PPP6R2: variants seen among roughly 807,000 people sequenced by gnomAD.
The protein encoded by PPP6R2 is protein phosphatase 6 regulatory subunit 2.
PPP6R2 carries 62 observed loss-of-function variants against 100.2 expected under a neutral mutation model. The observed-to-expected ratio is 0.62, with a 90% CI of 0.50 to 0.76. The LOEUF (loss-of-function observed/expected upper bound fraction) is 0.76, where lower values mean the gene tolerates loss of function less well. Among genes scored for constraint, PPP6R2 ranks in the 30% least tolerant of loss-of-function variants. The probability of loss-of-function intolerance (pLI) is 0.00; values close to 1 mark genes in which losing one functional copy is unlikely to be tolerated. For missense variants in PPP6R2, 1,142 were observed against 1,276.3 expected (o/e 0.89, Z 1.60); for synonymous variants, 525 against 514.7 (o/e 1.02, Z -0.27).
chr22:50,334,416 T>G, the PPP6R2 span, among the ~76,000 whole-genome samples: 2 of 152,348 alleles, frequency 1.3e-5, no homozygotes, highest in African/African-American at 4.8e-5. Flanking sequence ...GTTATACTTG[T>G]AGAACAAAGA....
chr22:50,369,602 C>T (rs1397253557), intron 1 of PPP6R2, among the ~76,000 whole-genome samples: 2 of 152,070 alleles, frequency 1.3e-5, no homozygotes, highest in Non-Finnish European at 2.9e-5. Flanking sequence ...CAACCTCTGC[C>T]TCCAGGGTTC....
intron 1 of PPP6R2, among the ~76,000 whole-genome samples, chr22:50,351,610 T>G (rs1001963257): frequency 3.3e-5 from 5 of 151,986 alleles, no homozygotes; most frequent in African/African-American, 1.2e-4. Context: ...AACTTCTATA[T>G]CAGCATTTGC....
intron 1 of PPP6R2, among the ~76,000 whole-genome samples, chr22:50,356,233 G>A (rs2148219971): frequency 6.6e-6 from 1 of 152,024 alleles, no homozygotes; most frequent in Non-Finnish European, 1.5e-5. Context: ...CAAAATGCTG[G>A]GATTACAGGT....
intron 1 of PPP6R2, among the ~76,000 whole-genome samples, chr22:50,359,217 CTTTTTTTTTTT>C (rs368586121): frequency 3.1e-5 from 4 of 129,172 alleles, no homozygotes; most frequent in African/African-American, 6.2e-5. Context: ...CCAGGCTGGT[CTTTTTTTTTTT>C]TTTTTTTTGA....
rs527490660 is a variant in PPP6R2 at position 50,431,594 on chromosome 22, A to G, written c.1335+212A>G. 2.0e-5 allele frequency among the ~76,000 whole-genome samples: 3 copies of G among 152,290 alleles called. No homozygotes were observed. Among genetic ancestry groups the G allele is most frequent in the African/African-American group, 7.2e-5 (3 of 41,562 alleles). ...ATTCCTACCTGCCTTCAGCAGGGGT[A>G]CTGGTGCCTTCCACGTGCAGGCCTG... On this transcript the variant is annotated intron_variant, in intron 11 of 23. Coordinates refer to ENST00000612753, the MANE Select transcript of PPP6R2 (RefSeq NM_001242898.2). The surrounding 1 kb of genome is among the most constrained non-coding windows in gnomAD (Gnocchi z 4.8).
intron 2 of PPP6R2, among the ~76,000 whole-genome samples, chr22:50,377,814 C>T (rs916194605): frequency 2.0e-5 from 3 of 152,054 alleles, no homozygotes; most frequent in African/African-American, 7.2e-5. Context: ...CCAGACCAGC[C>T]TGGCCAGCAT....
At position 50,444,381 on chromosome 22, in the gene PPP6R2, A is replaced by G; in HGVS notation, c.*134A>G. The stretch of plus-strand genomic sequence containing the variant: ...TAAATGCTGCATTGGTAAAGCTGGC[A>G]GTTGAAACCAGTTGGACGGCCCAGC... On this transcript the variant is annotated 3_prime_UTR_variant, in exon 24 of 24. Coordinates refer to ENST00000612753, the MANE Select transcript of PPP6R2 (RefSeq NM_001242898.2). The G allele has an allele frequency of 8.5e-7, 1 of 1,172,722 alleles. No individual in the cohort carries two copies. Among genetic ancestry groups the G allele is most frequent in the South Asian group, 1.5e-5 (1 of 67,808 alleles). 72.6% of individuals were successfully genotyped at this position (1,172,722 alleles called of 1,614,324 possible). A position where few individuals can be genotyped will look rare whatever the true frequency, so the allele number is the denominator to read the frequency against.
At chr22:50,382,995 G>C (rs189076325) in intron 2 of PPP6R2, among the ~76,000 whole-genome samples, 3 of 152,004 alleles carry the variant, frequency 2.0e-5, no homozygotes, top group Non-Finnish European at 4.4e-5. Context: ...ATGCCATCAC[G>C]CCTGGCTAAT....
At chr22:50,340,806 G>A (rs2042363468), upstream of PPP6R2, among the ~76,000 whole-genome samples, 1 of 151,890 alleles carries the variant, frequency 6.6e-6, no homozygotes, top group East Asian at 1.9e-4. Context: ...TAGGAGAGGT[G>A]AGCTCAGGTC....
chr22:50,376,135 C>T (rs1347806238), intron 2 of PPP6R2, among the ~76,000 whole-genome samples: 2 of 151,918 alleles, frequency 1.3e-5, no homozygotes, highest in Non-Finnish European at 2.9e-5. Context: ...TGACTAAGCA[C>T]ACAAGCAAAT....
At chr22:50,331,917 G>A in the PPP6R2 span, among the ~76,000 whole-genome samples, 23 of 152,136 alleles carry the variant, frequency 1.5e-4, 1 homozygote, top group Admixed American at 6.5e-5. Context: ...ATTGCATCCG[G>A]CCCTATTTTA....
At chr22:50,374,072 T>A (rs1409099377) in intron 2 of PPP6R2, among the ~76,000 whole-genome samples, 3 of 152,154 alleles carry the variant, frequency 2.0e-5, no homozygotes, top group Admixed American at 6.5e-5. Flanking sequence ...TTTTTAGAGA[T>A]GGGGTCTCAC....
chr22:50,387,306 C>G (rs2054453666), intron 2 of PPP6R2, among the ~76,000 whole-genome samples: 1 of 152,126 alleles, frequency 6.6e-6, no homozygotes, highest in Non-Finnish European at 1.5e-5. Context: ...TCAAGTGACC[C>G]TCAGCCTCAG....
upstream of PPP6R2, among the ~76,000 whole-genome samples, chr22:50,339,310 T>TGGTA (rs2042341423): frequency 9.8e-6 from 1 of 101,872 alleles, no homozygotes; most frequent in Admixed American, 9.9e-5. Context: ...GTGGTGTGTG[T>TGGTA]TGTGGGTGTA....
At chr22:50,440,455 A>C (rs1312147496) in intron 21 of PPP6R2, among the ~76,000 whole-genome samples, 2 of 143,622 alleles carry the variant, frequency 1.4e-5, no homozygotes, top group Admixed American at 7.1e-5. Flanking sequence ...TAAGGCTGAG[A>C]GCTCCAGGTG....
chr22:50,355,084 C>T (rs921885806), intron 1 of PPP6R2, among the ~76,000 whole-genome samples: 2 of 151,834 alleles, frequency 1.3e-5, no homozygotes, highest in East Asian at 1.9e-4. Flanking sequence ...CTTAAGCGAT[C>T]CTCCCACCTC....
At chr22:50,333,627 T>C in the PPP6R2 span, among the ~76,000 whole-genome samples, 2 of 152,234 alleles carry the variant, frequency 1.3e-5, no homozygotes, top group African/African-American at 4.8e-5. Context: ...CCACCGCGCC[T>C]GGCCCCAGCT....
At chr22:50,365,384 T>C (rs1238422438) in intron 1 of PPP6R2, among the ~76,000 whole-genome samples, 2 of 151,772 alleles carry the variant, frequency 1.3e-5, no homozygotes, top group African/African-American at 4.8e-5. Context: ...GATACACTTA[T>C]AAGAACTATT....
upstream of PPP6R2, among the ~76,000 whole-genome samples, chr22:50,339,685 GGT>G (rs2042347471): frequency 1.7e-5 from 2 of 120,008 alleles, no homozygotes; most frequent in Non-Finnish European, 1.8e-5. Flanking sequence ...TGTTGTGTGT[GGT>G]GTGATTGGTG....
Sources: gnomAD v4.1 joint callset for allele counts (sites outside exome capture counted in the v4.1 genomes callset) on GRCh38, gnomAD v4.1.1 for gene constraint, Gnocchi (gnomAD v3.1) non-coding constraint, MANE v1.5 for transcripts, NCBI Gene and HGNC (gene_info 2026-07-23, HGNC 2026-07-21) for gene names.